Variants in CYP7B1 observed in about 807,000 individuals in gnomAD.
The protein encoded by CYP7B1 is cytochrome P450 family 7 subfamily B member 1.
Under a neutral mutation model 42.7 loss-of-function variants are expected in CYP7B1, and 29 were observed. The ratio of observed to expected loss-of-function variants is 0.68; its 90% CI spans 0.51 to 0.93. The LOEUF (loss-of-function observed/expected upper bound fraction) is 0.93. Among genes scored for constraint, CYP7B1 ranks in the 40% least tolerant of loss-of-function variants. The probability of loss-of-function intolerance (pLI) is 0.00; values close to 1 mark genes in which losing one functional copy is unlikely to be tolerated. For missense variants in CYP7B1, 655 were observed against 600.5 expected (o/e 1.09, Z -0.95); for synonymous variants, 235 against 218.2 (o/e 1.08, Z -0.68).
chr8:64,701,188 T>C (rs567046205), intron 1 of CYP7B1, among the ~76,000 whole-genome samples: 2 of 152,116 alleles, frequency 1.3e-5, no homozygotes, highest in African/African-American at 4.8e-5. Flanking sequence ...AACTAAGAAC[T>C]AAGAAAAGGA....
intron 1 of CYP7B1, among the ~76,000 whole-genome samples, chr8:64,748,146 T>C (rs1430930178): frequency 6.6e-6 from 1 of 152,154 alleles, no homozygotes; most frequent in Non-Finnish European, 1.5e-5. Flanking sequence ...TCTAGAAAGA[T>C]CAGTTCATCC....
intron 1 of CYP7B1, among the ~76,000 whole-genome samples, chr8:64,686,148 A>G (rs1806637545): frequency 1.3e-5 from 1 of 79,308 alleles, no homozygotes; most frequent in Non-Finnish European, 2.6e-5. Context: ...CTGGGAGGTG[A>G]GGGGCGCCTC....
chr8:64,664,544 C>A lies in CYP7B1; in HGVS notation c.123-40005G>T, dbSNP rs559743655. Among the ~76,000 whole-genome samples the A allele has an allele frequency of 4.6e-5, 7 of 152,164 alleles. No homozygotes were observed. The South Asian group carries it at 1.5e-3, about 32-fold the overall frequency. ...TGTCTCTCATTACTCAGTAGGGAAG[C>A]TGGGATTTGAGTTCAGCCATTGCAG... On this transcript the variant is annotated intron_variant, in intron 1 of 5. Coordinates refer to ENST00000310193, the MANE Select transcript of CYP7B1 (RefSeq NM_004820.5).
intron 1 of CYP7B1, among the ~76,000 whole-genome samples, chr8:64,671,099 T>C (rs4532631): frequency 0.5 from 75,424 of 151,630 alleles, 20,117 homozygotes; most frequent in Non-Finnish European, 0.58. Flanking sequence ...CCCATGTATA[T>C]ATAAAATAAG....
chr8:64,725,923 T>C (rs1332371488), intron 1 of CYP7B1, among the ~76,000 whole-genome samples: 1 of 152,170 alleles, frequency 6.6e-6, no homozygotes, highest in African/African-American at 2.4e-5. Flanking sequence ...ATGCACAAGC[T>C]CTGCTCACCA....
At chr8:64,795,367 C>A (rs1056076448) in intron 1 of CYP7B1, among the ~76,000 whole-genome samples, 1 of 152,206 alleles carries the variant, frequency 6.6e-6, no homozygotes, top group African/African-American at 2.4e-5. Flanking sequence ...AGGAGAGTGG[C>A]CCAGGCCCTC....
chr8:64,705,986 G>C lies in CYP7B1; in HGVS notation c.123-81447C>G, dbSNP rs181752081. ...TGTATAAGCCCTCTGAACTCCAACG[G>C]GTTATTTTAACCAAGAAGGTCTAAA... On this transcript the variant is annotated intron_variant, in intron 1 of 5. Transcript: ENST00000310193. Among the ~76,000 whole-genome samples, 10 of 151,936 alleles carry C rather than the reference G, an allele frequency of 6.6e-5. No individual in the cohort carries two copies. The East Asian group carries it at 1.9e-3, about 29-fold the overall frequency.
chr8:64,672,355 C>G (rs1585846117), intron 1 of CYP7B1, among the ~76,000 whole-genome samples: 1 of 152,182 alleles, frequency 6.6e-6, no homozygotes, highest in Non-Finnish European at 1.5e-5. Context: ...CATTTGAAAG[C>G]AATATAGACA....
rs140936927 is a variant in CYP7B1 at position 64,726,723 on chromosome 8, G to A, written c.122+71743C>T. 1.4e-3 allele frequency among the ~76,000 whole-genome samples: 215 copies of A among 152,302 alleles called. 1 individual carries two copies. The highest frequency in any genetic ancestry group is 4.6e-3 in the Admixed American group (71 of 15,284). ...AGATAACCATCACTATTATTTGGGAGAATTTCTTTTGGAAACGATTCTGAA... is the reference window on the plus strand; with the variant it reads ...AGATAACCATCACTATTATTTGGGAAAATTTCTTTTGGAAACGATTCTGAA... On this transcript the variant is annotated intron_variant, in intron 1 of 5. Transcript: ENST00000310193.
chr8:64,604,421 G>A lies in CYP7B1; in HGVS notation c.1233+261C>T, dbSNP rs148446842. ...GCCAAAACGTAATAGTGGCCAAGGC[G>A]CAATGTCCACTTCATTTGAAGCAAC... On this transcript the variant is annotated intron_variant, in intron 5 of 5. Coordinates refer to ENST00000310193, the MANE Select transcript of CYP7B1 (RefSeq NM_004820.5). Among the ~76,000 whole-genome samples the A allele has an allele frequency of 2.3e-3, 356 of 152,284 alleles. 1 individual carries two copies. Among genetic ancestry groups the A allele is most frequent in the Non-Finnish European group, 3.4e-3 (228 of 68,036 alleles).
chr8:64,640,407 T>A (rs1462363176), intron 1 of CYP7B1, among the ~76,000 whole-genome samples: 1 of 152,144 alleles, frequency 6.6e-6, no homozygotes, highest in Non-Finnish European at 1.5e-5. Context: ...TAAATTTCTA[T>A]CATTAGGTAA....
chr8:64,724,381 G>A (rs1391544246), intron 1 of CYP7B1, among the ~76,000 whole-genome samples: 7 of 151,994 alleles, frequency 4.6e-5, no homozygotes, highest in East Asian at 1.9e-4. Flanking sequence ...TCCTGGCCTC[G>A]CGTGATCCAC....
Position 64,593,425 on chromosome 8 carries a change from C to CA in CYP7B1, c.*3216dup, listed in dbSNP as rs1382960970. Reference sequence around the variant, plus strand: ...AGTCTTAGCTCCGGGTAAAAATAAACAAAAAAATGAACCCCCAAATGTGTC... The same window carrying CA: ...AGTCTTAGCTCCGGGTAAAAATAAACAAAAAAAATGAACCCCCAAATGTGTC... On this transcript the variant is annotated 3_prime_UTR_variant, in exon 6 of 6. Coordinates refer to ENST00000310193, the MANE Select transcript of CYP7B1 (RefSeq NM_004820.5). Among the ~76,000 whole-genome samples, 1 of 151,974 alleles carries CA rather than the reference C, an allele frequency of 6.6e-6. No homozygotes were observed. Among genetic ancestry groups the CA allele is most frequent in the African/African-American group, 2.4e-5 (1 of 41,356 alleles).
At position 64,797,083 on chromosome 8, in the gene CYP7B1, G is replaced by A. The variant is rs567417362; in HGVS notation, c.122+1383C>T. 2.0e-4 allele frequency among the ~76,000 whole-genome samples: 30 copies of A among 152,284 alleles called. No homozygotes were observed. In the South Asian group the frequency reaches 3.5e-3, roughly 18 times the overall value. On this transcript the variant is annotated intron_variant, in intron 1 of 5. Transcript: ENST00000310193. Reference sequence around the variant, plus strand: ...TGAAGGAATTGGCAGTTGATGGCATGAATATCTCAGTAAAATAATTTTTCA... The same window carrying A: ...TGAAGGAATTGGCAGTTGATGGCATAAATATCTCAGTAAAATAATTTTTCA...
At chr8:64,689,080 A>G (rs1212832433) in intron 1 of CYP7B1, among the ~76,000 whole-genome samples, 2 of 152,348 alleles carry the variant, frequency 1.3e-5, no homozygotes, top group East Asian at 1.9e-4. Flanking sequence ...TTTTAAAATT[A>G]TTATTTATTT....
chr8:64,723,217 CAG>C (rs1807272205), intron 1 of CYP7B1, among the ~76,000 whole-genome samples: 2 of 152,150 alleles, frequency 1.3e-5, no homozygotes, highest in Non-Finnish European at 2.9e-5. Flanking sequence ...ACATGATTCA[CAG>C]TAATTCTACA....
intron 1 of CYP7B1, among the ~76,000 whole-genome samples, chr8:64,717,949 T>A (rs1050561880): frequency 6.6e-6 from 1 of 151,866 alleles, no homozygotes; most frequent in Non-Finnish European, 1.5e-5. Flanking sequence ...TAGCAAATCA[T>A]TATAATTATA....
rs866642396 is a variant in CYP7B1 at position 64,743,262 on chromosome 8, T to A, written c.122+55204A>T. Among the ~76,000 whole-genome samples, 6 of 152,180 alleles carry A rather than the reference T, an allele frequency of 3.9e-5. No individual in the cohort carries two copies. In the South Asian group the frequency reaches 1.2e-3, roughly 32 times the overall value. ...TCACCTTATTAAAAGAAAAAAGGGATGCTAGAAATAATTAGGCTTACTTAG... is the reference window on the plus strand; with the variant it reads ...TCACCTTATTAAAAGAAAAAAGGGAAGCTAGAAATAATTAGGCTTACTTAG... On this transcript the variant is annotated intron_variant, in intron 1 of 5. Coordinates refer to ENST00000310193, the MANE Select transcript of CYP7B1 (RefSeq NM_004820.5).
At chr8:64,731,144 G>A (rs563309844) in intron 1 of CYP7B1, among the ~76,000 whole-genome samples, 5 of 152,244 alleles carry the variant, frequency 3.3e-5, no homozygotes, top group South Asian at 2.1e-4. Context: ...TATTAGCAGC[G>A]GGAGAATGGA....
Sources: allele counts gnomAD v4.1 joint callset (sites outside exome capture counted in the v4.1 genomes callset), GRCh38; gene constraint gnomAD v4.1.1; transcripts MANE v1.5; gene names NCBI Gene and HGNC (gene_info 2026-07-23, HGNC 2026-07-21).